Variants in KCMF1 observed in about 807,000 individuals in gnomAD.
The protein encoded by KCMF1 is potassium channel modulatory factor 1.
In KCMF1, 3 loss-of-function variants were observed where a neutral mutation model predicts 41.1. The ratio of observed to expected loss-of-function variants is 0.07; its 90% CI spans 0.03 to 0.19. KCMF1 has a LOEUF of 0.19. KCMF1 is among the 10% of genes least tolerant of loss of function. The pLI is 1.00. For missense variants in KCMF1, 286 were observed against 488.9 expected (o/e 0.58, Z 3.91); for synonymous variants, 142 against 164.5 (o/e 0.86, Z 1.04).
intron 1 of KCMF1, among the ~76,000 whole-genome samples, chr2:85,016,183 A>T (rs1397204028): frequency 6.6e-6 from 1 of 152,110 alleles, no homozygotes; most frequent in African/African-American, 2.4e-5. Context: ...TTTCTTCTGG[A>T]TCTTGCTCCT....
At chr2:85,047,850 G>T (rs993374557) in intron 5 of KCMF1, among the ~76,000 whole-genome samples, 2 of 152,128 alleles carry the variant, frequency 1.3e-5, no homozygotes, top group Non-Finnish European at 2.9e-5. Context: ...TGAGCACCCT[G>T]CAGAACACCT....
chr2:84,981,946 AT>A (rs1673766414), intron 1 of KCMF1, among the ~76,000 whole-genome samples: 1 of 151,696 alleles, frequency 6.6e-6, no homozygotes, highest in South Asian at 2.1e-4. Flanking sequence ...TGCCCAGCTA[AT>A]TTTTGTATTT....
chr2:85,007,634 A>C (rs1470079747), intron 1 of KCMF1, among the ~76,000 whole-genome samples: 3 of 152,194 alleles, frequency 2.0e-5, no homozygotes, highest in Non-Finnish European at 4.4e-5. Context: ...CTTGGGCAGG[A>C]CCAGCCAAGT....
intron 1 of KCMF1, among the ~76,000 whole-genome samples, chr2:85,024,567 AGAGAGAGAGAGAGAGAGTGT>A (rs1437610474): frequency 1.5e-5 from 2 of 137,864 alleles, no homozygotes; most frequent in Non-Finnish European, 3.2e-5. Flanking sequence ...AGAGAGAGAG[AGAGAGAGAGAGAGAGAGTGT>A]GTGTGTGTGT....
intron 1 of KCMF1, among the ~76,000 whole-genome samples, chr2:85,014,282 C>T (rs958051431): frequency 6.6e-6 from 1 of 152,112 alleles, no homozygotes; most frequent in Non-Finnish European, 1.5e-5. Flanking sequence ...AAACAATAAA[C>T]AATGTGTTAA....
intron 4 of KCMF1, among the ~76,000 whole-genome samples, chr2:85,045,122 C>T (rs1024794433): frequency 6.6e-6 from 1 of 152,088 alleles, no homozygotes; most frequent in Non-Finnish European, 1.5e-5. Flanking sequence ...CACCTGTGGT[C>T]CCAGCTACTC....
At chr2:84,978,514 T>A (rs966201253) in intron 1 of KCMF1, among the ~76,000 whole-genome samples, 1 of 151,146 alleles carries the variant, frequency 6.6e-6, no homozygotes, top group African/African-American at 2.4e-5. Flanking sequence ...TTTTTTTTTT[T>A]ATACTTTAAG....
rs769716344 is a variant in KCMF1 at position 85,035,032 on chromosome 2, G to T, written c.201G>T (p.Gly67=). 2 of 1,611,802 alleles carry T rather than the reference G, an allele frequency of 1.2e-6. No individual in the cohort carries two copies. Among genetic ancestry groups the T allele is most frequent in the Admixed American group, 3.3e-5 (2 of 59,904 alleles). ...ATTTTTCAGATTTATACTATGGTGG[G>T]GAAGCTTTCTCTGTAGAGCAGCCAC... ...TRVDFDLYYG[G]EAFSVEQPQS... is the part of the protein sequence containing the mutation. Residue 67 remains glycine (G), a synonymous_variant, in exon 3 of 7, where the codon GGG becomes GGT. Coordinates refer to ENST00000409785, the MANE Select transcript of KCMF1 (RefSeq NM_020122.5).
intron 5 of KCMF1, 25 bp downstream of exon 5, chr2:85,046,303 G>A (rs1675666056): frequency 1.3e-6 from 2 of 1,587,406 alleles, no homozygotes; most frequent in Non-Finnish European, 1.7e-6. Context: ...CATTAATAAG[G>A]GAAATGGCAG....
intron 1 of KCMF1, among the ~76,000 whole-genome samples, chr2:84,996,399 C>T (rs1238960566): frequency 6.7e-6 from 1 of 149,750 alleles, no homozygotes; most frequent in Non-Finnish European, 1.5e-5. Flanking sequence ...TCTCTTTTTG[C>T]TGATAATACT....
intron 3 of KCMF1, among the ~76,000 whole-genome samples, chr2:85,038,539 G>A (rs576946603): frequency 6.6e-6 from 1 of 152,334 alleles, no homozygotes; most frequent in East Asian, 1.9e-4. Flanking sequence ...TTGGGCAGGA[G>A]ATCCAAAAGC....
In KCMF1 at chr2:84,997,764, CTTTTTTTT is replaced by C. The variant is rs112460793; in HGVS notation, c.16+26314_16+26321del. Among the ~76,000 whole-genome samples the C allele has an allele frequency of 5.0e-5, 4 of 80,248 alleles. No individual in the cohort carries two copies. In the South Asian group the frequency reaches 1.8e-3, roughly 37 times the overall value. 52.6% of individuals were successfully genotyped at this position (80,248 alleles called of 152,430 possible). On this transcript the variant is annotated intron_variant, in intron 1 of 6. Transcript: ENST00000409785. ...TGACTTACAGCAAAAAATACATTTTCTTTTTTTTTTTTTTTTTTTTTTTTGAGATGGAA... is the reference window on the plus strand; with the variant it reads ...TGACTTACAGCAAAAAATACATTTTCTTTTTTTTTTTTTTTTGAGATGGAA...
At chr2:85,019,503 G>C (rs1674874316) in intron 1 of KCMF1, among the ~76,000 whole-genome samples, 1 of 152,084 alleles carries the variant, frequency 6.6e-6, no homozygotes, top group African/African-American at 2.4e-5. Flanking sequence ...GGAATTAAAG[G>C]ACAGAGCTTT....
At chr2:84,995,253 C>T (rs951713588) in intron 1 of KCMF1, among the ~76,000 whole-genome samples, 18 of 152,114 alleles carry the variant, frequency 1.2e-4, no homozygotes, top group African/African-American at 4.1e-4. Flanking sequence ...AACTCCTGAC[C>T]TCGTGATCCA....
intron 1 of KCMF1, among the ~76,000 whole-genome samples, chr2:84,998,752 A>G (rs1238171934): frequency 6.8e-6 from 1 of 147,292 alleles, no homozygotes; most frequent in Non-Finnish European, 1.5e-5. Context: ...ACAGGCGTGT[A>G]CCACCCCGCC....
chr2:84,972,031 C>T (rs909448348), intron 1 of KCMF1: 2 of 152,130 alleles, frequency 1.3e-5, no homozygotes, highest in African/African-American at 4.8e-5. Context: ...ACGGGAAGCC[C>T]TCGCCGCCTG....
At chr2:85,036,218 CT>C (rs1397974308) in intron 3 of KCMF1, among the ~76,000 whole-genome samples, 1 of 152,210 alleles carries the variant, frequency 6.6e-6, no homozygotes, top group African/African-American at 2.4e-5. Flanking sequence ...CCAAATTTTG[CT>C]GTCTTAACAG....
intron 3 of KCMF1, among the ~76,000 whole-genome samples, chr2:85,040,114 C>A (rs1206912428): frequency 6.6e-6 from 1 of 152,158 alleles, no homozygotes; most frequent in African/African-American, 2.4e-5. Flanking sequence ...CTGCACCTGG[C>A]CCAGATGATT....
Position 85,055,228 on chromosome 2 carries a change from G to A in KCMF1, c.*1819G>A, listed in dbSNP as rs1675900276. On this transcript the variant is annotated 3_prime_UTR_variant, in exon 7 of 7. Coordinates refer to ENST00000409785, the MANE Select transcript of KCMF1 (RefSeq NM_020122.5). The stretch of plus-strand genomic sequence containing the variant: ...CACATAAGTCACACATTTCAATAAA[G>A]CATTTTCAAGACTGTTGACCACTTG... 1 of 152,168 alleles carries A rather than the reference G, an allele frequency of 6.6e-6. No individual in the cohort carries two copies. The highest frequency in any genetic ancestry group is 2.4e-5 in the African/African-American group (1 of 41,440). The allele number at this position is 152,168 out of a possible 1,614,324, so 9.4% of individuals were successfully genotyped here.
Sources: allele counts gnomAD v4.1 joint callset (sites outside exome capture counted in the v4.1 genomes callset), GRCh38; gene constraint gnomAD v4.1.1; transcripts MANE v1.5; gene names NCBI Gene and HGNC (gene_info 2026-07-23, HGNC 2026-07-21).